MYL5: variants seen among roughly 807,000 people sequenced by gnomAD.
The protein encoded by MYL5 is myosin regulatory light chain 5.
MYL5 carries 28 observed loss-of-function variants against 20.8 expected under a neutral mutation model. That is an observed-to-expected ratio of 1.35 (90% confidence interval 1.00 to 1.84). MYL5 has a LOEUF of 1.84. Among genes scored for constraint, MYL5 ranks in the 40% most tolerant of loss-of-function variants. The pLI is 0.00. For missense variants in MYL5, 274 were observed against 227.3 expected (o/e 1.21, Z -1.32); for synonymous variants, 118 against 87.4 (o/e 1.35, Z -1.95).
intron 3 of MYL5, among the ~76,000 whole-genome samples, chr4:679,635 G>C (rs1444404971): frequency 6.6e-6 from 1 of 152,190 alleles, no homozygotes; most frequent in Non-Finnish European, 1.5e-5. Context: ...TCTCGGCCCT[G>C]CTTATGCCCA....
exon 5 of MYL5, chr4:680,540 C>T (rs776361007): frequency 2.9e-5 from 47 of 1,613,484 alleles, no homozygotes; most frequent in Non-Finnish European, 3.6e-5. Flanking sequence ...TTCTTAACGC[C>T]TTCAAGATGC....
chr4:678,151 G>T, intron 1 of MYL5, 122 bp downstream of exon 3: 1 of 1,547,846 alleles, frequency 6.5e-7, no homozygotes, highest in Non-Finnish European at 8.7e-7. Flanking sequence ...AGGTGTGGGC[G>T]TGTGCTCTGC....
chr4:680,676 G>A lies in MYL5; in HGVS notation c.371+89G>A, dbSNP rs879005837. On this transcript the variant is annotated intron_variant, in intron 5 of 6. Coordinates refer to ENST00000400159, the Ensembl canonical transcript of MYL5. The stretch of plus-strand genomic sequence containing the variant: ...CAAAAGGGACAGTCAGCCACCAGAT[G>A]CCACGCCCACCTCCCCACCTCTGAC... 1.4e-4 allele frequency: 197 copies of A among 1,363,288 alleles called. 1 individual carries two copies. The South Asian group carries it at 2.3e-3, about 16-fold the overall frequency. 84.4% of individuals were successfully genotyped at this position (1,363,288 alleles called of 1,614,324 possible).
chr4:681,742 C>G (rs1203243222), intron 6 of MYL5, 151 bp from the exon 9 acceptor site: 12 of 881,912 alleles, frequency 1.4e-5, no homozygotes, highest in Middle Eastern at 4.2e-4. Flanking sequence ...CCAGCGCCGC[C>G]CCGCCCCCTC....
intron 4 of MYL5, 118 bp downstream of exon 6, chr4:680,136 C>T (rs1431988037): frequency 2.0e-6 from 2 of 1,020,618 alleles, no homozygotes; most frequent in South Asian, 3.3e-5. Context: ...GGGCCTGGCA[C>T]TCTGGGAGCC....
At chr4:679,924 C>T (rs1251469408) in exon 4 of MYL5, 14 of 1,613,736 alleles carry the variant, frequency 8.7e-6, no homozygotes, top group East Asian at 2.2e-5. Flanking sequence ...GCAAGACCAA[C>T]GTCAAGGACG....
At chr4:678,556 G>A (rs569176909) in intron 1 of MYL5, 102 bp from the exon 4 acceptor site, 1 of 1,491,508 alleles carries the variant, frequency 6.7e-7, no homozygotes, top group African/African-American at 1.4e-5. Flanking sequence ...CCGAAGGGCT[G>A]AGGTCCACCC....
At chr4:681,685 G>T (rs866449575) in intron 6 of MYL5, 55 of 14,842 alleles carry the variant, frequency 3.7e-3, no homozygotes, top group African/African-American at 0.014. Context: ...GCGCCGCCCC[G>T]CCCCCTCCAG....
At chr4:680,130 C>G in intron 4 of MYL5, 112 bp downstream of exon 6, 1 of 1,061,552 alleles carries the variant, frequency 9.4e-7, no homozygotes, top group Non-Finnish European at 1.4e-6. Context: ...GCCCTAGGGC[C>G]TGGCACTCTG....
At chr4:681,525 C>T (rs1016769123) in intron 6 of MYL5, among the ~76,000 whole-genome samples, 2 of 150,464 alleles carry the variant, frequency 1.3e-5, no homozygotes, top group Non-Finnish European at 3.0e-5. Flanking sequence ...CCCCCAGACC[C>T]CACACGGTCC....
intron 5 of MYL5, 75 bp from the exon 8 acceptor site, chr4:681,017 G>A (rs1739424601): frequency 1.3e-6 from 2 of 1,517,256 alleles, no homozygotes; most frequent in African/African-American, 1.4e-5. Flanking sequence ...TGGGGCCCCT[G>A]GAGCACCTGA....
chr4:677,034 G>T, upstream of MYL5: 2 of 596,786 alleles, frequency 3.4e-6, no homozygotes, highest in Non-Finnish European at 4.2e-6. Flanking sequence ...TTGCAGACAC[G>T]GTGGCGCCCC....
chr4:679,927 C>T lies in MYL5; in HGVS notation c.201C>T (p.Val67=), dbSNP rs761861962. The change falls in exon 4 of 7, where the codon GTC becomes GTT. Residue 67 remains valine, a synonymous_variant. Transcript: ENST00000400159. The stretch of plus-strand genomic sequence containing the variant: ...TGTCTGTAACAGGCAAGACCAACGT[C>T]AAGGACGACGAGCTGGACGCCATGC... 3 of 1,613,738 alleles carry T rather than the reference C, an allele frequency of 1.9e-6. No homozygotes were observed. The South Asian group carries it at 3.3e-5, about 18-fold the overall frequency.
At chr4:678,587 C>T in intron 1 of MYL5, 71 bp from the exon 4 acceptor site, 1 of 1,542,404 alleles carries the variant, frequency 6.5e-7, no homozygotes, top group Non-Finnish European at 8.7e-7. Flanking sequence ...TTAAGTCTCT[C>T]AAAACTCTGG....
chr4:677,573 C>T (rs933461604), upstream of MYL5, among the ~76,000 whole-genome samples: 1 of 152,234 alleles, frequency 6.6e-6, no homozygotes, highest in Non-Finnish European at 1.5e-5. Flanking sequence ...CCCTGACAGA[C>T]AGAGTGTGCT....
chr4:676,897 A>T, upstream of MYL5: 1 of 985,308 alleles, frequency 1.0e-6, no homozygotes, highest in Non-Finnish European at 1.2e-6. Flanking sequence ...TCAGTGCTTC[A>T]TAGAGGCCGC....
exon 5 of MYL5, chr4:680,532 C>T: frequency 6.2e-7 from 1 of 1,613,542 alleles, no homozygotes; most frequent in Non-Finnish European, 8.5e-7. Flanking sequence ...GGAGACCATT[C>T]TTAACGCCTT....
chr4:675,852 C>T (rs1738796704), upstream of MYL5: 1 of 152,264 alleles, frequency 6.6e-6, no homozygotes, highest in Non-Finnish European at 1.5e-5. Context: ...GGATTGCGCT[C>T]TGGTGAGAAT....
At chr4:676,963 G>T (rs1268414437), upstream of MYL5, 9 of 981,818 alleles carry the variant, frequency 9.2e-6, no homozygotes, top group Non-Finnish European at 1.1e-5. Flanking sequence ...GTGACCATGT[G>T]TCCCTCAGGG....
Sources: gnomAD v4.1 joint callset for allele counts (sites outside exome capture counted in the v4.1 genomes callset) on GRCh38, gnomAD v4.1.1 for gene constraint, MANE v1.5 for transcripts, NCBI Gene and HGNC (gene_info 2026-07-23, HGNC 2026-07-21) for gene names.